FAT2: variants seen among roughly 807,000 people sequenced by gnomAD.
The protein encoded by FAT2 is protocadherin Fat 2.
FAT2 carries 150 observed loss-of-function variants against 295.3 expected under a neutral mutation model. That is an observed-to-expected ratio of 0.51 (90% confidence interval 0.44 to 0.58). The LOEUF (loss-of-function observed/expected upper bound fraction) is 0.58. FAT2 is among the 20% of genes least tolerant of loss of function. The pLI, the probability that FAT2 is intolerant of heterozygous loss-of-function variation, is 0.00. For missense variants in FAT2, 4,868 were observed against 5,442.7 expected (o/e 0.89, Z 3.32); for synonymous variants, 2,026 against 2,150.3 (o/e 0.94, Z 1.60).
Position 151,507,179 on chromosome 5 carries a change from C to T in FAT2, c.12492G>A (p.Lys4164=). The T allele has an allele frequency of 6.3e-7, 1 of 1,598,134 alleles. No homozygotes were observed. Among genetic ancestry groups the T allele is most frequent in the Non-Finnish European group, 8.5e-7 (1 of 1,171,212 alleles). ...PSHSDNEPVI[K]RTWSSEEMVY... ...CCATCTCCTCGCTGGACCAGGTTCT[C>T]TTAATGACAGGCTCATTGTCAGAGT... The change falls in exon 23 of 24, where the codon AAG becomes AAA. Residue 4164 remains lysine, a synonymous_variant. Transcript: ENST00000261800.
At chr5:151,557,130 G>A (rs1757769795) in intron 3 of FAT2, among the ~76,000 whole-genome samples, 1 of 152,080 alleles carries the variant, frequency 6.6e-6, no homozygotes, top group Admixed American at 6.5e-5. Flanking sequence ...GGTGCACAAG[G>A]GTCAATGTCA....
chr5:151,577,235 CT>C (rs1386853102), intron 1 of FAT2, among the ~76,000 whole-genome samples: 4 of 152,136 alleles, frequency 2.6e-5, no homozygotes, highest in Non-Finnish European at 5.9e-5. Flanking sequence ...TAGTATGACC[CT>C]GGAGAAATGA....
At chr5:151,522,873 G>T (rs536865945) in intron 18 of FAT2, among the ~76,000 whole-genome samples, 1 of 152,314 alleles carries the variant, frequency 6.6e-6, no homozygotes, top group African/African-American at 2.4e-5. Context: ...GCTGGCACGC[G>T]CAGGGTTGCA....
Position 151,531,628 on chromosome 5 carries a change from C to T in FAT2, c.9770G>A (p.Ser3257Asn), listed in dbSNP as rs2127591127. Residue 3257 changes from serine (S) to asparagine (N), a missense_variant, in exon 14 of 24, where the codon AGC becomes AAC. By Grantham distance (46) the Ser-to-Asn change is conservative. This residue lies in a region of FAT2 where 1,046 missense variants were observed against 1,210.1 expected (regional missense o/e 0.86). Coordinates refer to ENST00000261800, the MANE Select transcript of FAT2 (RefSeq NM_001447.3). The surrounding 1 kb of genome is among the most constrained non-coding windows in gnomAD (Gnocchi z 5.7). The stretch of plus-strand genomic sequence containing the variant: ...GCGGAACCTGCCTTGCTCGTTCCCG[C>T]TGACCACGCGGTAGCCGGTCTTCTC... ...GAEKTGYRVV[S>N]GNEQGRFRLD... 3 of 1,613,450 alleles carry T rather than the reference C, an allele frequency of 1.9e-6. No homozygotes were observed. Among genetic ancestry groups the T allele is most frequent in the Non-Finnish European group, 2.5e-6 (3 of 1,179,966 alleles).
chr5:151,527,145 A>T, intron 17 of FAT2, 89 bp downstream of exon 17: 1 of 1,312,042 alleles, frequency 7.6e-7, no homozygotes, highest in Non-Finnish European at 1.1e-6. Flanking sequence ...GTCATTGTTC[A>T]TGTGGACTAA....
chr5:151,575,915 T>C (rs1369072170), intron 1 of FAT2, among the ~76,000 whole-genome samples: 4 of 151,976 alleles, frequency 2.6e-5, no homozygotes, highest in African/African-American at 9.7e-5. Flanking sequence ...AGGAGTTGAG[T>C]TTTTCATTTT....
chr5:151,581,761 T>TC (rs1177182985), intron 1 of FAT2, among the ~76,000 whole-genome samples: 1 of 152,056 alleles, frequency 6.6e-6, no homozygotes, highest in Non-Finnish European at 1.5e-5. Flanking sequence ...TGTCCAACAG[T>TC]CCCCCTGGCC....
At chr5:151,518,348 C>CTAATAATAATAATAA (rs3056491) in intron 19 of FAT2, among the ~76,000 whole-genome samples, 2,235 of 101,456 alleles carry the variant, frequency 0.022, 74 homozygotes, top group African/African-American at 0.059. Context: ...GACCATGTCT[C>CTAATAATAATAATAA]TAATAATAAT....
chr5:151,583,173 C>T (rs1759030186), intron 1 of FAT2, among the ~76,000 whole-genome samples: 1 of 152,134 alleles, frequency 6.6e-6, no homozygotes, highest in African/African-American at 2.4e-5. Flanking sequence ...TATATGCACA[C>T]CTCATGACCC....
At position 151,543,046 on chromosome 5, in the gene FAT2, G is replaced by C; in HGVS notation, c.8081C>G (p.Pro2694Arg). 6.2e-7 allele frequency: 1 copy of C among 1,614,150 alleles called. No individual in the cohort carries two copies. The highest frequency in any genetic ancestry group is 8.5e-7 in the Non-Finnish European group (1 of 1,180,032). ...KKVSLPKFSEPLYTFSAPEDL... is the reference protein window; with the variant it reads ...KKVSLPKFSERLYTFSAPEDL... ...TTCAGGTGCAGAGAAAGTATACAAAGGTTCAGAAAATTTCGGTAAGGATAC... is the reference window on the plus strand; with the variant it reads ...TTCAGGTGCAGAGAAAGTATACAAACGTTCAGAAAATTTCGGTAAGGATAC... The change falls in exon 10 of 24, where the codon CCT (proline) becomes CGT (arginine). Residue 2694 changes from proline (P) to arginine (R), a missense_variant. By Grantham distance (103) the Pro-to-Arg change is moderately radical. Transcript: ENST00000261800.
rs13176657 is a variant in FAT2, at chr5:151,518,368, A to T, written c.11318-603T>A. ...TGTCTCTAATAATAATAATAATAAT[A>T]ATAATAATTTTTAAAAGAAAGTAAA... On this transcript the variant is annotated intron_variant, in intron 19 of 23. Transcript: ENST00000261800. 7.6e-3 allele frequency among the ~76,000 whole-genome samples: 625 copies of T among 82,388 alleles called. 3 individuals carry two copies. Among genetic ancestry groups the T allele is most frequent in the East Asian group, 0.024 (53 of 2,216 alleles). 54.0% of individuals were successfully genotyped at this position (82,388 alleles called of 152,430 possible).
In FAT2 at chr5:151,544,950, A is replaced by G; in HGVS notation, c.6177T>C (p.Ser2059=). The change falls in exon 10 of 24, where the codon TCT becomes TCC. Residue 2059 remains serine, a synonymous_variant. Coordinates refer to ENST00000261800, the MANE Select transcript of FAT2 (RefSeq NM_001447.3). ...GGGGATTGTCATTGACATCCTCAAT[A>G]GAGACTCTGACCAAACCCTGAGCCA... ...QRVAQGLVRV[S]IEDVNDNPPK... 1 of 1,614,184 alleles carries G rather than the reference A, an allele frequency of 6.2e-7. No homozygotes were observed. The highest frequency in any genetic ancestry group is 8.5e-7 in the Non-Finnish European group (1 of 1,180,028).
intron 1 of FAT2, among the ~76,000 whole-genome samples, chr5:151,572,176 G>A (rs1314110986): frequency 6.6e-6 from 1 of 152,054 alleles, no homozygotes; most frequent in East Asian, 1.9e-4. Flanking sequence ...TTTAATGACT[G>A]TCTTCTTGGA....
rs141929328 is a variant in FAT2 at position 151,544,690 on chromosome 5, C to T, written c.6437G>A (p.Arg2146Gln). The stretch of plus-strand genomic sequence containing the variant: ...CTGGAGGGATGGCGTTCCTCCATCC[C>T]GAGCAATGACTTTGAGGTGATATTT... ...LNKYHLKVIA[R>Q]DGGTPSLQSE... Residue 2146 changes from arginine to glutamine, a missense_variant, in exon 10 of 24, where the codon CGG (arginine) becomes CAG (glutamine). Transcript: ENST00000261800. 425 of 1,614,098 alleles carry T rather than the reference C, an allele frequency of 2.6e-4. 1 individual carries two copies. The African/African-American group carries it at 4.5e-3, about 17-fold the overall frequency.
Position 151,505,385 on chromosome 5 carries a change from C to A in FAT2, c.*180G>T, listed in dbSNP as rs1011940584. ...GTTTCTGGAGCTCTATCCTCAGCTT[C>A]CCTCCACCCTCAGGGACTAGGTGGG... On this transcript the variant is annotated 3_prime_UTR_variant, in exon 24 of 24. Transcript: ENST00000261800. 1 of 710,736 alleles carries A rather than the reference C, an allele frequency of 1.4e-6. No individual in the cohort carries two copies. The highest frequency in any genetic ancestry group is 1.8e-5 in the African/African-American group (1 of 55,648). 44.0% of individuals were successfully genotyped at this position (710,736 alleles called of 1,614,324 possible). A position where few individuals can be genotyped will look rare whatever the true frequency, so the allele number is the denominator to read the frequency against.
chr5:151,518,358 T>TAAC, intron 19 of FAT2, among the ~76,000 whole-genome samples: 1 of 130,586 alleles, frequency 7.7e-6, no homozygotes, highest in African/African-American at 2.6e-5. Context: ...CTAATAATAA[T>TAAC]AATAATAATA....
At chr5:151,593,695 G>C (rs1028504024), upstream of FAT2, among the ~76,000 whole-genome samples, 1 of 152,012 alleles carries the variant, frequency 6.6e-6, no homozygotes, top group African/African-American at 2.4e-5. Flanking sequence ...CCTTTGACCT[G>C]ACCAAGAAGT....
chr5:151,564,919 A>G (rs941843169), intron 2 of FAT2, among the ~76,000 whole-genome samples: 1 of 152,130 alleles, frequency 6.6e-6, no homozygotes, highest in African/African-American at 2.4e-5. Flanking sequence ...CTAAAAATAC[A>G]AAAGTTAGCC....
Position 151,579,737 on chromosome 5 carries a change from TA to T in FAT2, c.-20-10787del, listed in dbSNP as rs569520621. ...TAAAATATAAATAAGGAAATACATT[TA>T]AAAAAAAAAAGAGAGAGAAAGATAC... On this transcript the variant is annotated intron_variant, in intron 1 of 23. Transcript: ENST00000261800. Among the ~76,000 whole-genome samples, 1,092 of 145,520 alleles carry T rather than the reference TA, an allele frequency of 7.5e-3. 13 individuals are homozygous for T. Among genetic ancestry groups the T allele is most frequent in the African/African-American group, 0.024 (938 of 39,860 alleles).
Sources: gnomAD v4.1 joint callset for allele counts (sites outside exome capture counted in the v4.1 genomes callset) on GRCh38, gnomAD v4.1.1 for gene constraint, gnomAD v4.1.1 regional missense constraint, Gnocchi (gnomAD v3.1) non-coding constraint, MANE v1.5 for transcripts, NCBI Gene and HGNC (gene_info 2026-07-23, HGNC 2026-07-21) for gene names.